The following PACSIN3 variants were observed in gnomAD, a reference collection of about 807,000 sequenced individuals.
The protein encoded by PACSIN3 is protein kinase C and casein kinase substrate in neurons 3, also known as protein kinase C and casein kinase substrate in neurons protein 3.
PACSIN3 carries 34 observed loss-of-function variants against 56.1 expected under a neutral mutation model. That is an observed-to-expected ratio of 0.61 (90% CI 0.46 to 0.81). The LOEUF (loss-of-function observed/expected upper bound fraction) is 0.81, where lower values mean the gene tolerates loss of function less well. PACSIN3 is among the 30% of genes least tolerant of loss of function. The pLI is 0.00. For missense variants in PACSIN3, 535 were observed against 592.4 expected, an observed-to-expected ratio of 0.90 and a Z score of 1.01; for synonymous variants, 218 against 229.8, an observed-to-expected ratio of 0.95 and a Z score of 0.46.
rs745647687 is a variant in PACSIN3 at position 47,178,408 on chromosome 11, C to CA, written c.1116dup (p.Asp373Ter). 2.5e-6 allele frequency: 4 copies of CA among 1,613,970 alleles called. No homozygotes were observed. The highest frequency in any genetic ancestry group is 1.7e-5 in the Admixed American group (1 of 60,012). The stretch of plus-strand genomic sequence containing the variant: ...TCATCAGCTTCCTGGCCAGCGTAGT[C>CA]ATAGAGTGCCCTCACCCGAACCCCG... On this transcript the variant is annotated frameshift_variant, in exon 10 of 11. Coordinates refer to ENST00000298838, the MANE Select transcript of PACSIN3 (RefSeq NM_016223.5). LOFTEE classifies it high-confidence loss of function. The surrounding 1 kb of genome is among the most constrained non-coding windows in gnomAD (Gnocchi z 4.2).
At position 47,182,990 on chromosome 11, in the gene PACSIN3, GC is replaced by G. The variant is rs1041191034; in HGVS notation, c.-38+13del. 1.9e-5 allele frequency: 7 copies of G among 368,668 alleles called. No homozygotes were observed. Among genetic ancestry groups the G allele is most frequent in the Non-Finnish European group, 3.3e-5 (7 of 213,580 alleles). 22.8% of individuals were successfully genotyped at this position (368,668 alleles called of 1,614,324 possible). A position where few individuals can be genotyped will look rare whatever the true frequency, so the allele number is the denominator to read the frequency against. ...CTCACTGCTCTGCACTTCCCCCCCC[GC>G]CCCCCCACATACCTGGGGCCTAGAG... On this transcript the variant is annotated intron_variant, in intron 2 of 10. Coordinates refer to ENST00000298838, the MANE Select transcript of PACSIN3 (RefSeq NM_016223.5).
intron 4 of PACSIN3, among the ~76,000 whole-genome samples, chr11:47,182,158 AAG>A (rs1491463178): frequency 6.6e-6 from 1 of 152,040 alleles, no homozygotes. Context: ...AAAAAAAAAA[AAG>A]AAAGGAAAGA....
chr11:47,178,976 T>C lies in PACSIN3; in HGVS notation c.955A>G (p.Ser319Gly), dbSNP rs1262437528. ...TISRKEKGGRSPDEVTLTSIV... is the reference protein window; with the variant it reads ...TISRKEKGGRGPDEVTLTSIV... ...CTGGTCAGGGTAACCTCATCAGGGCTCCGGCCACCCTTCTCTTTCCGGCTG... is the reference window on the plus strand; with the variant it reads ...CTGGTCAGGGTAACCTCATCAGGGCCCCGGCCACCCTTCTCTTTCCGGCTG... Residue 319 changes from serine to glycine, a missense_variant, in exon 9 of 11, where the codon AGC becomes GGC. Ser to Gly is a moderately conservative substitution (Grantham distance 56, BLOSUM62 0). Coordinates refer to ENST00000298838, the MANE Select transcript of PACSIN3 (RefSeq NM_016223.5). This position sits in a 1 kb window ranked among gnomAD's most constrained non-coding sequence, Gnocchi z 4.2. 2 of 1,613,988 alleles carry C rather than the reference T, an allele frequency of 1.2e-6. No individual in the cohort carries two copies. Among genetic ancestry groups the C allele is most frequent in the Middle Eastern group, 1.6e-4 (1 of 6,084 alleles).
At chr11:47,182,814 G>A (rs1953053831) in intron 2 of PACSIN3, 50 bp from the exon 3 acceptor site, 1 of 1,432,932 alleles carries the variant, frequency 7.0e-7, no homozygotes, top group Non-Finnish European at 9.5e-7. Flanking sequence ...ATGTTTCTGG[G>A]GATAGGAAAA....
chr11:47,180,846 T>C (rs1287004467), intron 4 of PACSIN3, among the ~76,000 whole-genome samples, 156 bp from the exon 5 acceptor site: 1 of 152,260 alleles, frequency 6.6e-6, no homozygotes, highest in Non-Finnish European at 1.5e-5. Flanking sequence ...ATGAGGACCA[T>C]GTGCCTTATC....
rs549285905 is a variant in PACSIN3 at position 47,186,050 on chromosome 11, C to A, written c.-104+299G>T. ...GCGAGGACCCTCTGGGGCCTCGGGG[C>A]GGGCGCGAGGCGAGCGGACGGGGGC... On this transcript the variant is annotated intron_variant, in intron 1 of 10. Coordinates refer to ENST00000298838, the MANE Select transcript of PACSIN3 (RefSeq NM_016223.5). This position sits in a 1 kb window ranked among gnomAD's most constrained non-coding sequence, Gnocchi z 4.5. Among the ~76,000 whole-genome samples, 12 of 152,118 alleles carry A rather than the reference C, an allele frequency of 7.9e-5. No homozygotes were observed. The highest frequency in any genetic ancestry group is 2.9e-4 in the African/African-American group (12 of 41,534).
rs199902250 is a variant in PACSIN3 at position 47,179,490 on chromosome 11, C to T, written c.700G>A (p.Ala234Thr). 3.2e-5 allele frequency: 52 copies of T among 1,613,958 alleles called. No homozygotes were observed. In the East Asian group the frequency reaches 8.5e-4, roughly 26 times the overall value. The change falls in exon 7 of 11, where the codon GCC becomes ACC. Residue 234 changes from alanine (A) to threonine (T), a missense_variant. Physicochemically the swap from Ala to Thr is moderately conservative, Grantham distance 58. Coordinates refer to ENST00000298838, the MANE Select transcript of PACSIN3 (RefSeq NM_016223.5). The surrounding 1 kb of genome is among the most constrained non-coding windows in gnomAD (Gnocchi z 4.4). Reference protein sequence around the residue: ...MEQAFETCQAAERQRLLFFKD... With the variant: ...MEQAFETCQATERQRLLFFKD... ...AAGAAAAGAAGCCGCTGGCGCTCGG[C>T]GGCCTGGCAGGTCTCAAAGGCCTGT...
intron 1 of PACSIN3, among the ~76,000 whole-genome samples, chr11:47,183,632 G>A (rs776456139): frequency 1.8e-4 from 28 of 152,340 alleles, no homozygotes; most frequent in Admixed American, 5.9e-4. Context: ...CTGAGGGCCC[G>A]CAAGGCTCCG....
Position 47,180,272 on chromosome 11 carries a change from G to A in PACSIN3, c.517C>T (p.His173Tyr). 1 of 1,603,646 alleles carries A rather than the reference G, an allele frequency of 6.2e-7. No homozygotes were observed. The highest frequency in any genetic ancestry group is 8.5e-7 in the Non-Finnish European group (1 of 1,179,962). ...DEKTAQTRESHAKADSAVSQE... is the reference protein window; with the variant it reads ...DEKTAQTRESYAKADSAVSQE... The stretch of plus-strand genomic sequence containing the variant: ...GAGACGGCGCTGTCTGCCTTTGCGT[G>A]GCTCTCCCTCGTCTGGGCGGTCTTC... Residue 173 changes from histidine to tyrosine, a missense_variant, in exon 6 of 11, where the codon CAC becomes TAC. By Grantham distance (83) the His-to-Tyr change is moderately conservative. Transcript: ENST00000298838.
At chr11:47,181,457 T>A (rs907710122) in intron 4 of PACSIN3, among the ~76,000 whole-genome samples, 1 of 152,166 alleles carries the variant, frequency 6.6e-6, no homozygotes, top group Admixed American at 6.5e-5. Flanking sequence ...TTTAGGCAAG[T>A]CCCTTAGCCT....
rs761341362 is a variant in PACSIN3, at chr11:47,179,456, A to G, written c.734T>C (p.Met245Thr). The change falls in exon 7 of 11, where the codon ATG becomes ACG. Residue 245 changes from methionine (M) to threonine (T), a missense_variant. Transcript: ENST00000298838. This position sits in a 1 kb window ranked among gnomAD's most constrained non-coding sequence, Gnocchi z 4.4. ...ERQRLLFFKD[M>T]LLTLHQHLDL... The stretch of plus-strand genomic sequence containing the variant: ...CAGGTGCTGGTGTAAGGTGAGCAGC[A>G]TATCCTTGAAGAAAAGAAGCCGCTG... 4.3e-6 allele frequency: 7 copies of G among 1,613,942 alleles called. No individual in the cohort carries two copies. The highest frequency in any genetic ancestry group is 2.2e-5 in the South Asian group (2 of 91,090).
Position 47,182,420 on chromosome 11 carries a change from C to T in PACSIN3, c.194G>A (p.Arg65Lys). The T allele has an allele frequency of 1.2e-6, 2 of 1,600,028 alleles. No individual in the cohort carries two copies. Among genetic ancestry groups the T allele is most frequent in the Non-Finnish European group, 1.7e-6 (2 of 1,179,202 alleles). The stretch of plus-strand genomic sequence containing the variant: ...TGGCTCACCCTTCTCCACGGTCCCC[C>T]TCCACTTTCGGGCCCAGTCAGCCAA... The part of the protein sequence containing the change: ...QQLADWARKW[R>K]GTVEKGPQYG... Residue 65 changes from arginine to lysine, a missense_variant, in exon 4 of 11, where the codon AGG becomes AAG. By Grantham distance (26) the Arg-to-Lys change is conservative. Coordinates refer to ENST00000298838, the MANE Select transcript of PACSIN3 (RefSeq NM_016223.5).
chr11:47,181,796 G>A (rs1953030176), intron 4 of PACSIN3, among the ~76,000 whole-genome samples: 1 of 151,876 alleles, frequency 6.6e-6, no homozygotes, highest in Non-Finnish European at 1.5e-5. Flanking sequence ...ATCCATGATT[G>A]TACCACTGCA....
Position 47,182,476 on chromosome 11 carries a change from G to A in PACSIN3, c.138C>T (p.Arg46=), listed in dbSNP as rs148855213. 6.5e-4 allele frequency: 1,046 copies of A among 1,608,662 alleles called. 11 individuals are homozygous for A. The South Asian group carries it at 9.9e-3, about 15-fold the overall frequency. Residue 46 remains arginine, a synonymous_variant, in exon 4 of 11, where the codon CGC becomes CGT. Coordinates refer to ENST00000298838, the MANE Select transcript of PACSIN3 (RefSeq NM_016223.5). The part of the protein sequence containing the change: ...CGDLVSCFQE[R]ARIEKAYAQQ... ...GGGCATAAGCCTTCTCGATGCGGGCGCGCTCCTGGAAGCAGCTGACCAGGT... is the reference window on the plus strand; with the variant it reads ...GGGCATAAGCCTTCTCGATGCGGGCACGCTCCTGGAAGCAGCTGACCAGGT...
chr11:47,184,582 G>C (rs1953085220), intron 1 of PACSIN3: 1 of 152,242 alleles, frequency 6.6e-6, no homozygotes, highest in Non-Finnish European at 1.5e-5. Context: ...AGCAGCTGTG[G>C]GAATGCTTGG....
chr11:47,182,078 G>A lies in PACSIN3; in HGVS notation c.211+325C>T, dbSNP rs181618560. On this transcript the variant is annotated intron_variant, in intron 4 of 10. Transcript: ENST00000298838. ...GAAGCAGGAGAACCACTTGAGAGGC[G>A]GAGGTTGCAGTGAGCCAACATCATG... Among the ~76,000 whole-genome samples the A allele has an allele frequency of 2.4e-4, 36 of 151,128 alleles. No individual in the cohort carries two copies. The East Asian group carries it at 5.8e-3, about 24-fold the overall frequency.
Position 47,177,755 on chromosome 11 carries a change from C to T in PACSIN3, c.*176G>A, listed in dbSNP as rs1049496109. On this transcript the variant is annotated 3_prime_UTR_variant, in exon 11 of 11. Coordinates refer to ENST00000298838, the MANE Select transcript of PACSIN3 (RefSeq NM_016223.5). Reference sequence around the variant, plus strand: ...TCAGCCTAGACTCGTCCCTTCCCTACCAGTCCCTTCCCTAGACAAAGGCCC... The same window carrying T: ...TCAGCCTAGACTCGTCCCTTCCCTATCAGTCCCTTCCCTAGACAAAGGCCC... 3.2e-6 allele frequency: 2 copies of T among 634,186 alleles called. No homozygotes were observed. Among genetic ancestry groups the T allele is most frequent in the Middle Eastern group, 3.8e-4 (1 of 2,604 alleles). The allele number at this position is 634,186 out of a possible 1,614,324, so 39.3% of individuals were successfully genotyped here.
chr11:47,180,562 G>T lies in PACSIN3; in HGVS notation c.340C>A (p.Gln114Lys). 6.2e-7 allele frequency: 1 copy of T among 1,603,796 alleles called. No homozygotes were observed. Residue 114 changes from glutamine to lysine, a missense_variant, in exon 5 of 11, where the codon CAG becomes AAG. Coordinates refer to ENST00000298838, the MANE Select transcript of PACSIN3 (RefSeq NM_016223.5). The stretch of plus-strand genomic sequence containing the variant: ...ACAGGCCGGTGGAAAGCCCCCCGCT[G>T]CCAGGCGCGCACCCGCTCACTGTCC... The part of the protein sequence containing the change: ...GQDSERVRAW[Q>K]RGAFHRPVLG...
chr11:47,182,601 T>A lies in PACSIN3; in HGVS notation c.55-42A>T, dbSNP rs1252529409. 4 of 1,604,246 alleles carry A rather than the reference T, an allele frequency of 2.5e-6. No homozygotes were observed. The African/African-American group carries it at 4.0e-5, about 16-fold the overall frequency. ...AGGGTGCCATCACCAGGGAGAAGCTTCCTTTGGGGCTGGGGCTGTCAGATG... is the reference window on the plus strand; with the variant it reads ...AGGGTGCCATCACCAGGGAGAAGCTACCTTTGGGGCTGGGGCTGTCAGATG... On this transcript the variant is annotated intron_variant, in intron 3 of 10. Coordinates refer to ENST00000298838, the MANE Select transcript of PACSIN3 (RefSeq NM_016223.5).
Sources: allele counts gnomAD v4.1 joint callset (sites outside exome capture counted in the v4.1 genomes callset), GRCh38; gene constraint gnomAD v4.1.1; non-coding constraint Gnocchi (gnomAD v3.1); transcripts MANE v1.5; gene names NCBI Gene and HGNC (gene_info 2026-07-23, HGNC 2026-07-21).